ATG10: variants seen among roughly 807,000 people sequenced by gnomAD.
ATG10 encodes the protein autophagy related 10.
ATG10 carries 30 observed loss-of-function variants against 32.1 expected under a neutral mutation model. That is an observed-to-expected ratio of 0.94 (90% CI 0.70 to 1.27). The LOEUF is 1.27. Among genes scored for constraint, ATG10 ranks in the 50% most tolerant of loss-of-function variants. The pLI, the probability that ATG10 is intolerant of heterozygous loss-of-function variation, is 0.00. For missense variants in ATG10, 233 were observed against 262.3 expected, an observed-to-expected ratio of 0.89 and a Z score of 0.77; for synonymous variants, 87 against 91.5, an observed-to-expected ratio of 0.95 and a Z score of 0.28.
chr5:82,091,916 A>G (rs190579577), intron 3 of ATG10, among the ~76,000 whole-genome samples: 3 of 152,324 alleles, frequency 2.0e-5, no homozygotes, highest in Admixed American at 1.3e-4. Context: ...AGTGAACACA[A>G]TACTGAAAAA....
Position 81,972,097 on chromosome 5 carries a change from G to A in ATG10, c.-222G>A, listed in dbSNP as rs1341809637. 3 of 152,326 alleles carry A rather than the reference G, an allele frequency of 2.0e-5. No individual in the cohort carries two copies. The highest frequency in any genetic ancestry group is 2.1e-4 in the South Asian group (1 of 4,840). The allele number at this position is 152,326 out of a possible 1,614,324, so 9.4% of individuals were successfully genotyped here. A position where few individuals can be genotyped will look rare whatever the true frequency, so the allele number is the denominator to read the frequency against. The stretch of plus-strand genomic sequence containing the variant: ...CGCGGACCTGACTGAAGGAGGCCAC[G>A]GCCACTTCTGGTTGGCCTCGGGGCG... On this transcript the variant is annotated 5_prime_UTR_variant, in exon 1 of 8. Coordinates refer to ENST00000282185, the MANE Select transcript of ATG10 (RefSeq NM_031482.5).
chr5:82,155,489 G>A (rs546449101), intron 3 of ATG10, among the ~76,000 whole-genome samples: 20 of 152,284 alleles, frequency 1.3e-4, no homozygotes, highest in Admixed American at 1.2e-3. Context: ...GTACAGCCAC[G>A]TACCTTTGTT....
At chr5:81,993,356 T>C (rs1334239860) in intron 2 of ATG10, among the ~76,000 whole-genome samples, 90 of 24,392 alleles carry the variant, frequency 3.7e-3, no homozygotes, top group Admixed American at 6.1e-3. Context: ...TCTTTCTTTC[T>C]TTCCTTCTTT....
At position 81,994,830 on chromosome 5, in the gene ATG10, A is replaced by T. The variant is rs149307046; in HGVS notation, c.108+7152A>T. Among the ~76,000 whole-genome samples, 13 of 152,318 alleles carry T rather than the reference A, an allele frequency of 8.5e-5. No individual in the cohort carries two copies. In the East Asian group the frequency reaches 2.5e-3, roughly 29 times the overall value. On this transcript the variant is annotated intron_variant, in intron 2 of 7. Coordinates refer to ENST00000282185, the MANE Select transcript of ATG10 (RefSeq NM_031482.5). ...ATGTGAATTATTAATGTTCTCCTAG[A>T]GTCACACTATAATCACATGGTCAGT... is the stretch of plus-strand genomic sequence containing the variant.
At chr5:81,987,780 A>C in intron 2 of ATG10, 102 bp downstream of exon 2, 1 of 806,064 alleles carries the variant, frequency 1.2e-6, no homozygotes, top group Non-Finnish European at 2.0e-6. Flanking sequence ...AAATTAAGGT[A>C]TGAAAACTGG....
chr5:82,144,522 AT>A (rs1767270942), intron 3 of ATG10, among the ~76,000 whole-genome samples: 1 of 151,730 alleles, frequency 6.6e-6, no homozygotes, highest in Admixed American at 6.6e-5. Context: ...TTATTATAAA[AT>A]TTTTAATATT....
chr5:82,034,320 T>G (rs1311885317), intron 2 of ATG10, among the ~76,000 whole-genome samples: 2 of 152,312 alleles, frequency 1.3e-5, no homozygotes, highest in South Asian at 4.1e-4. Flanking sequence ...TCTTTTTCTC[T>G]TACATTCCAT....
At chr5:82,109,754 C>A (rs1252367408) in intron 3 of ATG10, among the ~76,000 whole-genome samples, 2 of 151,152 alleles carry the variant, frequency 1.3e-5, no homozygotes, top group Non-Finnish European at 3.0e-5. Context: ...TTCTTTCCCC[C>A]CATTGATCTG....
At chr5:82,058,682 G>T in intron 3 of ATG10, 80 bp downstream of exon 3, 4 of 884,424 alleles carry the variant, frequency 4.5e-6, no homozygotes, top group Non-Finnish European at 7.3e-6. Flanking sequence ...TGACTCCATC[G>T]CATTCCATCC....
At chr5:82,213,045 T>G (rs113762872) in intron 5 of ATG10, among the ~76,000 whole-genome samples, 2 of 152,312 alleles carry the variant, frequency 1.3e-5, no homozygotes, top group African/African-American at 2.4e-5. Flanking sequence ...CCTCTCCAAA[T>G]CGTTACCAAG....
chr5:82,024,702 A>C (rs1472053303), intron 2 of ATG10, among the ~76,000 whole-genome samples: 1 of 152,212 alleles, frequency 6.6e-6, no homozygotes, highest in African/African-American at 2.4e-5. Flanking sequence ...AAAGGCCATG[A>C]TTTATAATTC....
At chr5:82,107,092 T>C (rs1765466831) in intron 3 of ATG10, among the ~76,000 whole-genome samples, 1 of 152,086 alleles carries the variant, frequency 6.6e-6, no homozygotes, top group South Asian at 2.1e-4. Flanking sequence ...AAGAAGAATT[T>C]AACCTCTTAT....
At chr5:82,139,528 G>A (rs1276183117) in intron 3 of ATG10, among the ~76,000 whole-genome samples, 1 of 146,418 alleles carries the variant, frequency 6.8e-6, no homozygotes, top group African/African-American at 2.5e-5. Context: ...CCTCTGCCCG[G>A]CCGAGACCCC....
intron 2 of ATG10, among the ~76,000 whole-genome samples, chr5:82,005,848 A>G (rs1761974394): frequency 1.3e-5 from 2 of 152,190 alleles, no homozygotes; most frequent in African/African-American, 4.8e-5. Flanking sequence ...TATATTTTAT[A>G]CAATTAATAC....
At chr5:82,057,516 C>T (rs1248950039) in intron 2 of ATG10, among the ~76,000 whole-genome samples, 1 of 152,154 alleles carries the variant, frequency 6.6e-6, no homozygotes, top group Non-Finnish European at 1.5e-5. Context: ...GTTTGTGTCA[C>T]TGCATCCAAA....
intron 2 of ATG10, among the ~76,000 whole-genome samples, chr5:81,995,380 C>T (rs147143324): frequency 0.039 from 5,960 of 152,132 alleles, 164 homozygotes; most frequent in South Asian, 0.074. Flanking sequence ...TGACCTCAAG[C>T]GATCCGCCCA....
In ATG10 at chr5:82,010,034, G is replaced by GA; in HGVS notation, c.108+22357dup. 4 of 1,610,776 alleles carry GA rather than the reference G, an allele frequency of 2.5e-6. No individual in the cohort carries two copies. In the South Asian group the frequency reaches 4.4e-5, roughly 18 times the overall value. The stretch of plus-strand genomic sequence containing the variant: ...CCTTGTCAGCTAACAGCTCAAAGGA[G>GA]ACGCGGCCCAAGGGCTCGCCATCGA... On this transcript the variant is annotated intron_variant, in intron 2 of 7. Coordinates refer to ENST00000282185, the MANE Select transcript of ATG10 (RefSeq NM_031482.5).
chr5:82,127,830 T>C lies in ATG10; in HGVS notation c.217-36569T>C, dbSNP rs368835536. 2.4e-4 allele frequency among the ~76,000 whole-genome samples: 36 copies of C among 152,252 alleles called. 1 individual carries two copies. The East Asian group carries it at 7.0e-3, about 29-fold the overall frequency. ...TCCAGAGCCGAGTTCAAGTCCTGAATATCCTTGCTAATTTTCTGTCTTGTT... is the reference window on the plus strand; with the variant it reads ...TCCAGAGCCGAGTTCAAGTCCTGAACATCCTTGCTAATTTTCTGTCTTGTT... On this transcript the variant is annotated intron_variant, in intron 3 of 7. Transcript: ENST00000282185.
intron 2 of ATG10, among the ~76,000 whole-genome samples, chr5:82,014,482 C>G (rs556098070): frequency 1.1e-3 from 173 of 152,278 alleles, no homozygotes; most frequent in African/African-American, 3.9e-3. Flanking sequence ...TTGTAGGTCT[C>G]TAAGGACTTG....
Sources: gnomAD v4.1 joint callset for allele counts (sites outside exome capture counted in the v4.1 genomes callset) on GRCh38, gnomAD v4.1.1 for gene constraint, MANE v1.5 for transcripts, NCBI Gene and HGNC (gene_info 2026-07-23, HGNC 2026-07-21) for gene names.